MLLT3: variants seen among roughly 807,000 people sequenced by gnomAD.
The protein encoded by MLLT3 is protein AF-9.
Under a neutral mutation model 53.2 loss-of-function variants are expected in MLLT3, and 4 were observed. The observed-to-expected ratio is 0.08, with a 90% CI of 0.04 to 0.17. The LOEUF is 0.17. MLLT3 is among the 10% of genes least tolerant of loss of function. The pLI, the probability that MLLT3 is intolerant of heterozygous loss-of-function variation, is 1.00. For missense variants in MLLT3, 569 were observed against 684.0 expected, an observed-to-expected ratio of 0.83 and a Z score of 1.87; for synonymous variants, 283 against 230.6, an observed-to-expected ratio of 1.23 and a Z score of -2.06.
chr9:20,472,344 T>C (rs1824415736), intron 2 of MLLT3, among the ~76,000 whole-genome samples: 1 of 152,096 alleles, frequency 6.6e-6, no homozygotes, highest in Non-Finnish European at 1.5e-5. Context: ...ATTTTCAACA[T>C]ATGTGTTGCC....
chr9:20,485,731 T>C (rs1349810673), intron 2 of MLLT3, among the ~76,000 whole-genome samples: 1 of 104,660 alleles, frequency 9.6e-6, no homozygotes, highest in East Asian at 2.9e-4. Context: ...AATATACACA[T>C]ACACATATAC....
At chr9:20,405,233 G>C (rs1054845060) in intron 5 of MLLT3, among the ~76,000 whole-genome samples, 1 of 152,082 alleles carries the variant, frequency 6.6e-6, no homozygotes, top group African/African-American at 2.4e-5. Context: ...CATAAAGCAA[G>C]ACTCAATCAG....
intron 5 of MLLT3, among the ~76,000 whole-genome samples, chr9:20,397,214 T>C (rs923444691): frequency 6.6e-6 from 1 of 152,178 alleles, no homozygotes. Context: ...GCATATTTTT[T>C]CAAGGGATTC....
intron 2 of MLLT3, among the ~76,000 whole-genome samples, chr9:20,555,052 G>A (rs1819020040): frequency 6.6e-6 from 1 of 152,040 alleles, no homozygotes; most frequent in Non-Finnish European, 1.5e-5. Flanking sequence ...AGCTGGTGTC[G>A]AATTAAGAAG....
At chr9:20,470,123 C>T (rs1403952058) in intron 2 of MLLT3, among the ~76,000 whole-genome samples, 2 of 151,988 alleles carry the variant, frequency 1.3e-5, no homozygotes, top group African/African-American at 2.4e-5. Flanking sequence ...TCACCAGTTT[C>T]AATCTCTTCT....
In MLLT3 at chr9:20,413,801, T is replaced by G; in HGVS notation, c.1045A>C (p.Lys349Gln). ...KIESETSEKK[K>Q]STLPPFDDIV... ...TCATCAAATGGCGGTAACGTTGATT[T>G]CTTCTTCTCTGATGTCTCACTTTCA... The change falls in exon 5 of 11, where the codon AAA becomes CAA. Residue 349 changes from lysine (K) to glutamine (Q), a missense_variant. This residue lies in a region of MLLT3 where 437 missense variants were observed against 376.5 expected (regional missense o/e 1.16). Transcript: ENST00000380338. 6.2e-7 allele frequency: 1 copy of G among 1,613,844 alleles called. No individual in the cohort carries two copies. Among genetic ancestry groups the G allele is most frequent in the Non-Finnish European group, 8.5e-7 (1 of 1,179,944 alleles).
chr9:20,599,239 G>C (rs1563837633), intron 2 of MLLT3, among the ~76,000 whole-genome samples: 1 of 151,740 alleles, frequency 6.6e-6, no homozygotes, highest in Non-Finnish European at 1.5e-5. Flanking sequence ...GGGAGATGGA[G>C]GTTGCAGTGA....
In MLLT3 at chr9:20,590,917, T is replaced by A. The variant is rs551430118; in HGVS notation, c.193+29737A>T. The stretch of plus-strand genomic sequence containing the variant: ...ACCATACTTAGCTAATTTTTTTTTT[T>A]TTATTATTTGACTGTAGAGATGGGG... On this transcript the variant is annotated intron_variant, in intron 2 of 10. Coordinates refer to ENST00000380338, the MANE Select transcript of MLLT3 (RefSeq NM_004529.4). 5.1e-3 allele frequency among the ~76,000 whole-genome samples: 781 copies of A among 152,110 alleles called. 6 individuals are homozygous for A. Among genetic ancestry groups the A allele is most frequent in the African/African-American group, 0.016 (669 of 41,484 alleles).
intron 5 of MLLT3, among the ~76,000 whole-genome samples, chr9:20,385,074 T>G (rs1035636484): frequency 4.6e-5 from 7 of 152,160 alleles, no homozygotes; most frequent in African/African-American, 1.7e-4. Flanking sequence ...TATTTATTAA[T>G]AAATCCTACC....
At chr9:20,365,595 G>T in intron 6 of MLLT3, 74 bp downstream of exon 6, 1 of 1,528,788 alleles carries the variant, frequency 6.5e-7, no homozygotes, top group African/African-American at 1.4e-5. Context: ...TGATCCACCC[G>T]TGTCAGCCTC....
At chr9:20,573,188 GTTT>G (rs59285839) in intron 2 of MLLT3, among the ~76,000 whole-genome samples, 1 of 141,710 alleles carries the variant, frequency 7.1e-6, no homozygotes, top group South Asian at 2.2e-4. Context: ...TTTTTGTTTT[GTTT>G]TTTTTTTTTG....
In MLLT3 at chr9:20,621,794, T is replaced by C. The variant is rs1047925311; in HGVS notation, c.12+451A>G. The C allele has an allele frequency of 3.4e-6, 5 of 1,462,186 alleles. No homozygotes were observed. Among genetic ancestry groups the C allele is most frequent in the Middle Eastern group, 3.6e-4 (2 of 5,498 alleles). The allele number at this position is 1,462,186 out of a possible 1,614,324, so 90.6% of individuals were successfully genotyped here. A position where few individuals can be genotyped will look rare whatever the true frequency, so the allele number is the denominator to read the frequency against. The stretch of plus-strand genomic sequence containing the variant: ...GCACCATCGTAGCGGCCGCGGCGCT[T>C]TGCGGAGGTGCGGCCGCCGAGGCTG... On this transcript the variant is annotated intron_variant, in intron 1 of 10. Transcript: ENST00000380338. This position sits in a 1 kb window ranked among gnomAD's most constrained non-coding sequence, Gnocchi z 7.0.
chr9:20,594,482 G>A (rs1047714216), intron 2 of MLLT3, among the ~76,000 whole-genome samples: 1 of 152,082 alleles, frequency 6.6e-6, no homozygotes, highest in African/African-American at 2.4e-5. Context: ...AAAAGGGAGG[G>A]GGGCAATATG....
At chr9:20,516,925 C>G (rs993473806) in intron 2 of MLLT3, among the ~76,000 whole-genome samples, 6 of 152,068 alleles carry the variant, frequency 3.9e-5, no homozygotes, top group African/African-American at 1.4e-4. Flanking sequence ...CAGTAATATG[C>G]TAGAAATTTT....
chr9:20,406,004 C>T (rs912526206), intron 5 of MLLT3, among the ~76,000 whole-genome samples: 5 of 151,818 alleles, frequency 3.3e-5, no homozygotes, highest in African/African-American at 4.8e-5. Context: ...TCCAGCTTCT[C>T]GGGAGGCTGA....
intron 2 of MLLT3, among the ~76,000 whole-genome samples, chr9:20,457,742 TG>T (rs1299704382): frequency 6.6e-6 from 1 of 152,162 alleles, no homozygotes; most frequent in Non-Finnish European, 1.5e-5. Flanking sequence ...TTATTTCTCA[TG>T]GAGTTAAAAG....
chr9:20,504,958 G>A (rs1479461504), intron 2 of MLLT3, among the ~76,000 whole-genome samples: 1 of 152,024 alleles, frequency 6.6e-6, no homozygotes, highest in African/African-American at 2.4e-5. Context: ...TGGTTTGACG[G>A]AAAGGAGCCC....
chr9:20,476,652 T>C (rs1824528808), intron 2 of MLLT3, among the ~76,000 whole-genome samples: 1 of 152,142 alleles, frequency 6.6e-6, no homozygotes, highest in African/African-American at 2.4e-5. Context: ...TGAGATTCCT[T>C]GGAAATGCCA....
intron 5 of MLLT3, 94 bp from the exon 6 acceptor site, chr9:20,365,838 C>G: frequency 7.9e-7 from 1 of 1,260,542 alleles, no homozygotes; most frequent in Non-Finnish European, 1.1e-6. Context: ...CCATCCTCTG[C>G]AAAAACCGTG....
Sources: gnomAD v4.1 joint callset for allele counts (sites outside exome capture counted in the v4.1 genomes callset) on GRCh38, gnomAD v4.1.1 for gene constraint, gnomAD v4.1.1 regional missense constraint, Gnocchi (gnomAD v3.1) non-coding constraint, MANE v1.5 for transcripts, NCBI Gene and HGNC (gene_info 2026-07-23, HGNC 2026-07-21) for gene names.